The following SPTBN2 variants were observed in gnomAD, a reference collection of about 807,000 sequenced individuals.
SPTBN2 encodes spectrin beta, non-erythrocytic 2, also known as spectrin beta chain, non-erythrocytic 2.
In SPTBN2, 107 loss-of-function variants were observed where a neutral mutation model predicts 284.2. The ratio of observed to expected loss-of-function variants is 0.38; its 90% CI spans 0.32 to 0.44. SPTBN2 has a LOEUF of 0.44. Among genes scored for constraint, SPTBN2 ranks in the 20% least tolerant of loss-of-function variants. The pLI is 1.00. For missense variants in SPTBN2, 2,569 were observed against 3,287.1 expected, an observed-to-expected ratio of 0.78 and a Z score of 5.34; for synonymous variants, 1,289 against 1,354.8, an observed-to-expected ratio of 0.95 and a Z score of 1.07.
intron 15 of SPTBN2, among the ~76,000 whole-genome samples, chr11:66,702,465 G>A (rs1244335836): frequency 6.6e-6 from 1 of 151,902 alleles, no homozygotes; most frequent in African/African-American, 2.4e-5. Context: ...TCGCCTGGCC[G>A]ACATTTGATG....
At chr11:66,723,246 T>C (rs1048444264) in intron 1 of SPTBN2, among the ~76,000 whole-genome samples, 2 of 152,110 alleles carry the variant, frequency 1.3e-5, no homozygotes, top group Non-Finnish European at 2.9e-5. Flanking sequence ...CTTGTGTAAT[T>C]TAGCATTCAG....
rs1272505296 is a variant in SPTBN2 at position 66,715,108 on chromosome 11, A to G, written c.483+114T>C. Reference sequence around the variant, plus strand: ...ATAGCGCCGCCATGGCAGCTGCTACATAAGGTTCTAGATCCTCCATCTTTG... The same window carrying G: ...ATAGCGCCGCCATGGCAGCTGCTACGTAAGGTTCTAGATCCTCCATCTTTG... On this transcript the variant is annotated intron_variant, in intron 5 of 37. Coordinates refer to ENST00000533211, the MANE Select transcript of SPTBN2 (RefSeq NM_006946.4). This position sits in a 1 kb window ranked among gnomAD's most constrained non-coding sequence, Gnocchi z 5.3. 9 of 1,375,222 alleles carry G rather than the reference A, an allele frequency of 6.5e-6. No homozygotes were observed. The highest frequency in any genetic ancestry group is 1.2e-5 in the South Asian group (1 of 82,956). 85.2% of individuals were successfully genotyped at this position (1,375,222 alleles called of 1,614,324 possible).
chr11:66,718,234 G>A lies in SPTBN2; in HGVS notation c.158-2253C>T, dbSNP rs1203655289. Among the ~76,000 whole-genome samples, 1 of 152,212 alleles carries A rather than the reference G, an allele frequency of 6.6e-6. No individual in the cohort carries two copies. The highest frequency in any genetic ancestry group is 2.4e-5 in the African/African-American group (1 of 41,464). On this transcript the variant is annotated intron_variant, in intron 3 of 37. Coordinates refer to ENST00000533211, the MANE Select transcript of SPTBN2 (RefSeq NM_006946.4). The surrounding 1 kb of genome is among the most constrained non-coding windows in gnomAD (Gnocchi z 4.8). The stretch of plus-strand genomic sequence containing the variant: ...CCATCATACACGGTCCCTGCCAGCA[G>A]GTCCAAGCCTTTCCCCATTCCGTTG...
At chr11:66,698,915 C>A in intron 19 of SPTBN2, 77 bp downstream of exon 19, 1 of 1,602,746 alleles carries the variant, frequency 6.2e-7, no homozygotes, top group South Asian at 1.1e-5. Context: ...TCTCCGGTAC[C>A]TTGTGCTGGA....
chr11:66,724,984 G>T (rs998401127), intron 1 of SPTBN2, among the ~76,000 whole-genome samples: 1 of 152,190 alleles, frequency 6.6e-6, no homozygotes, highest in African/African-American at 2.4e-5. Context: ...ACCCTCCAGG[G>T]AAGTCCAACT....
Position 66,693,240 on chromosome 11 carries a change from C to G in SPTBN2, c.4800G>C (p.Ala1600=), listed in dbSNP as rs146007976. The G allele has an allele frequency of 5.6e-6, 9 of 1,614,212 alleles. No homozygotes were observed. The highest frequency in any genetic ancestry group is 7.6e-6 in the Non-Finnish European group (9 of 1,180,050). ...AQQFYRDAAE[A]EAWMGEQELH... The stretch of plus-strand genomic sequence containing the variant: ...ATTCCTGCTCGCCCATCCAGGCCTC[C>G]GCCTCGGCGGCATCGCGGTAGAACT... Residue 1600 remains alanine (A), a synonymous_variant, in exon 24 of 38, where the codon GCG becomes GCC. Transcript: ENST00000533211. This position sits in a 1 kb window ranked among gnomAD's most constrained non-coding sequence, Gnocchi z 5.7.
chr11:66,720,525 C>T (rs1377317489), intron 3 of SPTBN2, among the ~76,000 whole-genome samples: 1 of 152,150 alleles, frequency 6.6e-6, no homozygotes, highest in African/African-American at 2.4e-5. Flanking sequence ...CCAAGGCAGG[C>T]AGAGAGCACA....
intron 1 of SPTBN2, among the ~76,000 whole-genome samples, chr11:66,727,579 G>T (rs1033350050): frequency 6.6e-6 from 1 of 152,200 alleles, no homozygotes; most frequent in African/African-American, 2.4e-5. Context: ...CGCCGCACGC[G>T]GCCGCTTCCC....
Position 66,692,971 on chromosome 11 carries a change from T to A in SPTBN2, c.4984A>T (p.Ser1662Cys). The A allele has an allele frequency of 6.2e-7, 1 of 1,604,756 alleles. No individual in the cohort carries two copies. The highest frequency in any genetic ancestry group is 8.5e-7 in the Non-Finnish European group (1 of 1,179,932). The change falls in exon 25 of 38, where the codon AGC becomes TGC. Residue 1662 changes from serine to cysteine, a missense_variant and splice_region_variant. Transcript: ENST00000533211. The stretch of plus-strand genomic sequence containing the variant: ...GGGCCGGGCTGCCGCTGCACCCACC[T>A]CTCTGGGTGCTCGTGGTCAATCATG... ...QDMIDHEHPE[S>C]TRISIRQAQV...
rs917106509 is a variant in SPTBN2, at chr11:66,707,920, T to C, written c.1351-102A>G. ...CTTGGCCTGCAAGATCCCAGCTCCATGCGGTGGCTCTAAGTTCCCTCTCTA... is the reference window on the plus strand; with the variant it reads ...CTTGGCCTGCAAGATCCCAGCTCCACGCGGTGGCTCTAAGTTCCCTCTCTA... On this transcript the variant is annotated intron_variant, in intron 12 of 37. Coordinates refer to ENST00000533211, the MANE Select transcript of SPTBN2 (RefSeq NM_006946.4). The surrounding 1 kb of genome is among the most constrained non-coding windows in gnomAD (Gnocchi z 4.9). 4.0e-6 allele frequency: 6 copies of C among 1,485,782 alleles called. No individual in the cohort carries two copies. The African/African-American group carries it at 5.5e-5, about 14-fold the overall frequency. The allele number at this position is 1,485,782 out of a possible 1,614,324, so 92.0% of individuals were successfully genotyped here. A position where few individuals can be genotyped will look rare whatever the true frequency, so the allele number is the denominator to read the frequency against.
Position 66,685,995 on chromosome 11 carries a change from G to C in SPTBN2, c.7049C>G (p.Thr2350Ser). 1.9e-6 allele frequency: 3 copies of C among 1,613,766 alleles called. No individual in the cohort carries two copies. Among genetic ancestry groups the C allele is most frequent in the Non-Finnish European group, 2.5e-6 (3 of 1,180,010 alleles). The change falls in exon 38 of 38, where the codon ACC (threonine) becomes AGC (serine). Residue 2350 changes from threonine (T) to serine (S), a missense_variant. Physicochemically the swap from Thr to Ser is moderately conservative, Grantham distance 58 (BLOSUM62 1). Coordinates refer to ENST00000533211, the MANE Select transcript of SPTBN2 (RefSeq NM_006946.4). This position sits in a 1 kb window ranked among gnomAD's most constrained non-coding sequence, Gnocchi z 4.4. ...CACTGGGGGCATGGTCATGGCCCGG[G>C]TCATGCCCCGGGTGGTGCTGGGCAC... ...PVVPSTTRGM[T>S]RAMTMPPVSP...
At chr11:66,717,497 G>A (rs1942201646) in intron 3 of SPTBN2, among the ~76,000 whole-genome samples, 1 of 152,136 alleles carries the variant, frequency 6.6e-6, no homozygotes, top group Non-Finnish European at 1.5e-5. Context: ...GTCGCTCCGT[G>A]TCTTTCACCT....
chr11:66,714,003 G>A, intron 7 of SPTBN2, 88 bp downstream of exon 7: 3 of 1,359,582 alleles, frequency 2.2e-6, no homozygotes, highest in South Asian at 2.3e-5. Context: ...CTGCTGTGCA[G>A]CTCATCTCAT....
At chr11:66,729,409 A>G (rs1374085379), upstream of SPTBN2, among the ~76,000 whole-genome samples, 1 of 152,102 alleles carries the variant, frequency 6.6e-6, no homozygotes, top group Non-Finnish European at 1.5e-5. Flanking sequence ...ACTGCCCCTG[A>G]AGATGAGGGC....
At chr11:66,698,505 T>C (rs1941059393) in intron 20 of SPTBN2, 134 bp downstream of exon 20, 7 of 1,360,648 alleles carry the variant, frequency 5.1e-6, no homozygotes, top group South Asian at 2.4e-5. Flanking sequence ...CCAGAGGCCA[T>C]AACTTTCCAC....
chr11:66,698,141 C>T (rs1941034226), intron 20 of SPTBN2, among the ~76,000 whole-genome samples: 1 of 152,226 alleles, frequency 6.6e-6, no homozygotes, highest in African/African-American at 2.4e-5. Flanking sequence ...AGACTACATA[C>T]AGCCCACGGG....
chr11:66,729,059 G>C lies in SPTBN2; in HGVS notation c.-432C>G, dbSNP rs1398055546. The C allele has an allele frequency of 3.3e-5, 5 of 151,004 alleles. No homozygotes were observed. Among genetic ancestry groups the C allele is most frequent in the Non-Finnish European group, 7.4e-5 (5 of 67,850 alleles). The allele number at this position is 151,004 out of a possible 1,614,324, so 9.4% of individuals were successfully genotyped here. On this transcript the variant is annotated 5_prime_UTR_variant, in exon 1 of 38. Transcript: ENST00000533211. ...CTCATTTATCAACCAGGAGAATTCC[G>C]GCCTAGTCACCGTCTTGAGGGGGGT... is the stretch of plus-strand genomic sequence containing the variant.
At position 66,682,651 on chromosome 11, in the gene SPTBN2, C is replaced by T. The variant is rs1230469817; in HGVS notation, c.*3220G>A. On this transcript the variant is annotated 3_prime_UTR_variant, in exon 38 of 38. Transcript: ENST00000533211. The stretch of plus-strand genomic sequence containing the variant: ...CAGAGTCATGACACACTTGGTTTGG[C>T]TACATCTCAGTAGCCACACATGGCT... Among the ~76,000 whole-genome samples, 1 of 152,234 alleles carries T rather than the reference C, an allele frequency of 6.6e-6. No individual in the cohort carries two copies. Among genetic ancestry groups the T allele is most frequent in the East Asian group, 1.9e-4 (1 of 5,202 alleles).
intron 1 of SPTBN2, among the ~76,000 whole-genome samples, chr11:66,723,106 C>A (rs1190158696): frequency 6.6e-6 from 1 of 151,756 alleles, no homozygotes; most frequent in African/African-American, 2.4e-5. Context: ...AGGGCCCAGG[C>A]TGGGGAAATG....
Sources: gnomAD v4.1 joint callset for allele counts (sites outside exome capture counted in the v4.1 genomes callset) on GRCh38, gnomAD v4.1.1 for gene constraint, Gnocchi (gnomAD v3.1) non-coding constraint, MANE v1.5 for transcripts, NCBI Gene and HGNC (gene_info 2026-07-23, HGNC 2026-07-21) for gene names.